Variants in WDR70 observed in about 807,000 individuals in gnomAD.
WDR70 encodes WD repeat domain 70.
Under a neutral mutation model 88.6 loss-of-function variants are expected in WDR70, and 53 were observed. The ratio of observed to expected loss-of-function variants is 0.60; its 90% confidence interval spans 0.48 to 0.75. WDR70 has a LOEUF of 0.75. WDR70 is among the 30% of genes least tolerant of loss of function. WDR70 has a pLI of 0.00. For missense variants in WDR70, 610 were observed against 823.2 expected (o/e 0.74, Z 3.17); for synonymous variants, 280 against 270.0 (o/e 1.04, Z -0.36).
At chr5:37,566,903 A>T (rs1212136776) in intron 9 of WDR70, among the ~76,000 whole-genome samples, 3 of 152,206 alleles carry the variant, frequency 2.0e-5, no homozygotes, top group Admixed American at 1.3e-4. Context: ...TGTCAGAATC[A>T]TCCTAAGAGT....
At chr5:37,387,970 T>C (rs1453559928) in intron 3 of WDR70, among the ~76,000 whole-genome samples, 1 of 152,144 alleles carries the variant, frequency 6.6e-6, no homozygotes, top group Non-Finnish European at 1.5e-5. Context: ...TCTTGGTTGC[T>C]AAGTGCACTA....
At chr5:37,660,813 T>C (rs1277934879) in intron 10 of WDR70, among the ~76,000 whole-genome samples, 2 of 152,174 alleles carry the variant, frequency 1.3e-5, no homozygotes, top group African/African-American at 4.8e-5. Context: ...GCCCAACATA[T>C]ATTCAGGTTC....
Position 37,547,169 on chromosome 5 carries a change from G to T in WDR70, c.917+30579G>T, listed in dbSNP as rs73061751. Among the ~76,000 whole-genome samples, 1,327 of 152,204 alleles carry T rather than the reference G, an allele frequency of 8.7e-3. 24 individuals are homozygous for T. Among genetic ancestry groups the T allele is most frequent in the African/African-American group, 0.03 (1,256 of 41,532 alleles). ...TGATGCACCAGTATTCTTGTGTGTG[G>T]TGACCCTGTTGGCCATTTATCAAAT... On this transcript the variant is annotated intron_variant, in intron 9 of 17. Transcript: ENST00000265107.
At chr5:37,617,299 A>T (rs2112497590) in intron 10 of WDR70, among the ~76,000 whole-genome samples, 1 of 152,336 alleles carries the variant, frequency 6.6e-6, no homozygotes, top group Admixed American at 6.5e-5. Flanking sequence ...ATGGTTCAAA[A>T]ATAAATGACC....
Position 37,692,248 on chromosome 5 carries a change from G to T in WDR70, c.1093-5407G>T, listed in dbSNP as rs539615255. ...TAATAGCCTACCAACCGTAAAAAGT[G>T]CAGGACCAGATGGATTCACAGCTGA... On this transcript the variant is annotated intron_variant, in intron 10 of 17. Coordinates refer to ENST00000265107, the MANE Select transcript of WDR70 (RefSeq NM_018034.4). 5.9e-5 allele frequency among the ~76,000 whole-genome samples: 9 copies of T among 152,056 alleles called. No individual in the cohort carries two copies. The East Asian group carries it at 1.7e-3, about 29-fold the overall frequency.
chr5:37,752,394 C>A, intron 17 of WDR70, 92 bp from the exon 18 acceptor site: 2 of 787,166 alleles, frequency 2.5e-6, no homozygotes, highest in South Asian at 1.7e-5. Context: ...TTATTCCCCA[C>A]ATTTGCTCCC....
rs191458354 is a variant in WDR70 at position 37,534,537 on chromosome 5, G to A, written c.917+17947G>A. 6.9e-4 allele frequency among the ~76,000 whole-genome samples: 89 copies of A among 129,254 alleles called. 1 individual carries two copies. Among genetic ancestry groups the A allele is most frequent in the African/African-American group, 2.5e-3 (85 of 33,612 alleles). The allele number at this position is 129,254 out of a possible 152,430, so 84.8% of individuals were successfully genotyped here. A position where few individuals can be genotyped will look rare whatever the true frequency, so the allele number is the denominator to read the frequency against. ...TTTGTGACAAAAGTCTTGCTCTGTCGCCCAGGCTGGAGTGCAGAGGCACAA... is the reference window on the plus strand; with the variant it reads ...TTTGTGACAAAAGTCTTGCTCTGTCACCCAGGCTGGAGTGCAGAGGCACAA... On this transcript the variant is annotated intron_variant, in intron 9 of 17. Coordinates refer to ENST00000265107, the MANE Select transcript of WDR70 (RefSeq NM_018034.4).
rs201135421 is a variant in WDR70, at chr5:37,579,582, CAAAAAAAAAA to C, written c.918-25467_918-25458del. ...CTGGCAACCGAGTGAGACTCTGTCT[CAAAAAAAAAA>C]AAAAAAAAAAAAAATTCCAATTCTG... On this transcript the variant is annotated intron_variant, in intron 9 of 17. Coordinates refer to ENST00000265107, the MANE Select transcript of WDR70 (RefSeq NM_018034.4). Among the ~76,000 whole-genome samples the C allele has an allele frequency of 1.6e-3, 129 of 82,728 alleles. 1 individual carries two copies. The East Asian group carries it at 0.029, about 19-fold the overall frequency. 54.3% of individuals were successfully genotyped at this position (82,728 alleles called of 152,430 possible). A position where few individuals can be genotyped will look rare whatever the true frequency, so the allele number is the denominator to read the frequency against.
At chr5:37,419,267 C>T (rs573078953) in intron 5 of WDR70, among the ~76,000 whole-genome samples, 3 of 150,494 alleles carry the variant, frequency 2.0e-5, no homozygotes, top group South Asian at 2.1e-4. Context: ...AGTGCAGTGG[C>T]GCAATCTTGG....
intron 10 of WDR70, among the ~76,000 whole-genome samples, chr5:37,694,848 T>TAAG (rs892755430): frequency 7.5e-4 from 114 of 151,664 alleles, no homozygotes; most frequent in Middle Eastern, 3.4e-3. Context: ...AGTATAATAA[T>TAAG]AATAATAATA....
At chr5:37,573,720 C>T (rs1274333861) in intron 9 of WDR70, among the ~76,000 whole-genome samples, 1 of 152,096 alleles carries the variant, frequency 6.6e-6, no homozygotes, top group African/African-American at 2.4e-5. Flanking sequence ...TCTGTAGTCT[C>T]TGTCTCATTT....
intron 8 of WDR70, among the ~76,000 whole-genome samples, chr5:37,499,566 T>A (rs528743532): frequency 1.4e-5 from 2 of 141,830 alleles, no homozygotes; most frequent in East Asian, 4.1e-4. Context: ...AGTCCTTTTT[T>A]AAATATGTGA....
chr5:37,588,468 C>G (rs767223258), intron 9 of WDR70, among the ~76,000 whole-genome samples: 5 of 152,094 alleles, frequency 3.3e-5, no homozygotes, highest in Non-Finnish European at 5.9e-5. Flanking sequence ...CATAATAGAA[C>G]GTATATCTGA....
chr5:37,424,242 T>C (rs1206247618), intron 5 of WDR70, among the ~76,000 whole-genome samples: 2 of 150,916 alleles, frequency 1.3e-5, no homozygotes, highest in Non-Finnish European at 2.9e-5. Flanking sequence ...TAAAGTGTTC[T>C]TACAGATGTC....
At chr5:37,697,506 TA>T in intron 10 of WDR70, 148 bp from the exon 11 acceptor site, 1 of 595,374 alleles carries the variant, frequency 1.7e-6, no homozygotes, top group Non-Finnish European at 2.8e-6. Context: ...TTCTTTTTTT[TA>T]GAAAGCAAAT....
chr5:37,652,734 C>A (rs1340273415), intron 10 of WDR70, among the ~76,000 whole-genome samples: 1 of 152,074 alleles, frequency 6.6e-6, no homozygotes, highest in Non-Finnish European at 1.5e-5. Flanking sequence ...TGATTTGGCT[C>A]TCTGTTTGTC....
chr5:37,627,275 A>G (rs554769947), intron 10 of WDR70, among the ~76,000 whole-genome samples: 1 of 152,102 alleles, frequency 6.6e-6, no homozygotes, highest in African/African-American at 2.4e-5. Flanking sequence ...TTTTCTGTAG[A>G]GATGAAGTTT....
At chr5:37,542,933 C>A in intron 9 of WDR70, among the ~76,000 whole-genome samples, 1 of 152,152 alleles carries the variant, frequency 6.6e-6, no homozygotes. Context: ...TTTATTCACC[C>A]CACGAATCTG....
chr5:37,674,022 T>C (rs1746117096), intron 10 of WDR70, among the ~76,000 whole-genome samples: 2 of 152,304 alleles, frequency 1.3e-5, no homozygotes, highest in South Asian at 4.1e-4. Context: ...CTATCATTGA[T>C]GGGCATTTAG....
Sources: gnomAD v4.1 joint callset for allele counts (sites outside exome capture counted in the v4.1 genomes callset) on GRCh38, gnomAD v4.1.1 for gene constraint, MANE v1.5 for transcripts, NCBI Gene and HGNC (gene_info 2026-07-23, HGNC 2026-07-21) for gene names.